The following FBXL20 variants were observed in gnomAD, a reference collection of about 807,000 sequenced individuals.
FBXL20 encodes the protein F-box and leucine rich repeat protein 20.
FBXL20 carries 11 observed loss-of-function variants against 64.0 expected under a neutral mutation model. The ratio of observed to expected loss-of-function variants is 0.17; its 90% CI spans 0.11 to 0.28. The LOEUF is 0.28. FBXL20 is among the 10% of genes least tolerant of loss of function. The probability of loss-of-function intolerance (pLI) is 1.00; values close to 1 mark genes in which losing one functional copy is unlikely to be tolerated. For missense variants in FBXL20, 303 were observed against 526.2 expected (o/e 0.58, Z 4.15); for synonymous variants, 184 against 189.0 (o/e 0.97, Z 0.22).
chr17:39,375,203 C>A (rs72825152), intron 1 of FBXL20, among the ~76,000 whole-genome samples: 1 of 152,026 alleles, frequency 6.6e-6, no homozygotes, highest in Non-Finnish European at 1.5e-5. Context: ...GAAGACATGG[C>A]CCAAGTAGTT....
At chr17:39,307,654 CTG>C (rs570618190) in intron 2 of FBXL20, among the ~76,000 whole-genome samples, 204 of 152,158 alleles carry the variant, frequency 1.3e-3, no homozygotes, top group African/African-American at 4.7e-3. Flanking sequence ...GAACAAACTT[CTG>C]TTAGTCAAGG....
intron 4 of FBXL20, 131 bp downstream of exon 4, chr17:39,300,870 G>C (rs1292825751): frequency 1.2e-6 from 1 of 806,130 alleles, no homozygotes; most frequent in Admixed American, 3.2e-5. Flanking sequence ...GGGGGTTCCT[G>C]TAAAGTTCAG....
intron 6 of FBXL20, among the ~76,000 whole-genome samples, chr17:39,292,918 A>G (rs583980): frequency 0.38 from 57,897 of 151,122 alleles, 14,260 homozygotes; most frequent in African/African-American, 0.7. Flanking sequence ...TCAGCCTCCT[A>G]AGTAGCTGCG....
In FBXL20 at chr17:39,285,503, T is replaced by C. The variant is rs2046981150; in HGVS notation, c.469A>G (p.Thr157Ala). The part of the protein sequence containing the change: ...HLDLASCTSI[T>A]NMSLKALSEG... ...CTCAGAGCTTTTAGAGACATGTTTGTTATTGATGTACAGGAAGCCAAGTCA... is the reference window on the plus strand; with the variant it reads ...CTCAGAGCTTTTAGAGACATGTTTGCTATTGATGTACAGGAAGCCAAGTCA... Residue 157 changes from threonine to alanine, a missense_variant, in exon 7 of 15, where the codon ACA becomes GCA. Around this residue, in one of 3 missense-constraint regions of FBXL20, gnomAD observed 246 missense variants for 422.6 expected, o/e 0.58. Transcript: ENST00000264658. 6.2e-7 allele frequency: 1 copy of C among 1,603,322 alleles called. No homozygotes were observed. The highest frequency in any genetic ancestry group is 1.7e-5 in the Admixed American group (1 of 59,294).
chr17:39,339,885 A>C (rs1338732716), intron 2 of FBXL20, among the ~76,000 whole-genome samples: 2 of 151,422 alleles, frequency 1.3e-5, no homozygotes, highest in Non-Finnish European at 2.9e-5. Flanking sequence ...TGACCTCGTG[A>C]TCCGCCCGTC....
At chr17:39,343,482 G>GT (rs2047602152) in intron 1 of FBXL20, among the ~76,000 whole-genome samples, 3 of 152,128 alleles carry the variant, frequency 2.0e-5, no homozygotes, top group Non-Finnish European at 4.4e-5. Flanking sequence ...GCCAGATACT[G>GT]TTTCAGATGT....
chr17:39,370,995 G>A (rs2047913167), intron 1 of FBXL20, among the ~76,000 whole-genome samples: 1 of 151,948 alleles, frequency 6.6e-6, no homozygotes, highest in Non-Finnish European at 1.5e-5. Context: ...GAGGCGGGTG[G>A]ATCACCTGAG....
At chr17:39,363,827 C>CAAAAAAAAAAAAAAAAA (rs1555612706) in intron 1 of FBXL20, among the ~76,000 whole-genome samples, 1 of 78,026 alleles carries the variant, frequency 1.3e-5, no homozygotes, top group Non-Finnish European at 2.4e-5. Context: ...AAAAAAAAAA[C>CAAAAAAAAAAAAAAAAA]AAAAAACAAA....
At chr17:39,386,016 T>C (rs575855682) in intron 1 of FBXL20, among the ~76,000 whole-genome samples, 9 of 107,062 alleles carry the variant, frequency 8.4e-5, no homozygotes, top group African/African-American at 3.0e-4. Flanking sequence ...ACAACAGAGA[T>C]TCCGTCTCAA....
chr17:39,343,384 C>G (rs1478024370), intron 1 of FBXL20, 143 bp from the exon 2 acceptor site: 1 of 536,828 alleles, frequency 1.9e-6, no homozygotes, highest in Non-Finnish European at 3.3e-6. Context: ...ATTTTGGAAA[C>G]TCTTTAAGAT....
intron 1 of FBXL20, among the ~76,000 whole-genome samples, chr17:39,358,777 A>C (rs150359522): frequency 3.3e-5 from 5 of 152,202 alleles, no homozygotes; most frequent in Non-Finnish European, 5.9e-5. Flanking sequence ...CAACCTACAC[A>C]TTAGGAGAAA....
intron 2 of FBXL20, among the ~76,000 whole-genome samples, chr17:39,307,449 T>A (rs981205686): frequency 6.6e-6 from 1 of 152,158 alleles, no homozygotes; most frequent in Admixed American, 6.6e-5. Flanking sequence ...AGTGGGTGTA[T>A]GACAAACGAA....
chr17:39,288,221 C>T (rs1403246577), intron 6 of FBXL20, among the ~76,000 whole-genome samples: 1 of 152,112 alleles, frequency 6.6e-6, no homozygotes, highest in African/African-American at 2.4e-5. Flanking sequence ...CCCACCTTGG[C>T]CTCCCAAAGT....
chr17:39,271,109 G>A (rs1258806226), intron 10 of FBXL20, among the ~76,000 whole-genome samples: 2 of 152,140 alleles, frequency 1.3e-5, no homozygotes, highest in Admixed American at 1.3e-4. Flanking sequence ...TATAATTGAA[G>A]CTTGTAGTTA....
chr17:39,264,075 A>T, intron 14 of FBXL20, 100 bp downstream of exon 14: 1 of 1,266,574 alleles, frequency 7.9e-7, no homozygotes, highest in Admixed American at 2.2e-5. Context: ...GTTCAAGTAA[A>T]TATAAAAATC....
At chr17:39,331,181 G>A (rs1369486042) in intron 2 of FBXL20, among the ~76,000 whole-genome samples, 1 of 152,068 alleles carries the variant, frequency 6.6e-6, no homozygotes, top group Non-Finnish European at 1.5e-5. Context: ...TTTTTTTACA[G>A]CCTCCACCTC....
chr17:39,333,851 G>T (rs1325514599), intron 2 of FBXL20, among the ~76,000 whole-genome samples: 3 of 152,042 alleles, frequency 2.0e-5, no homozygotes, highest in South Asian at 4.2e-4. Context: ...CGTCTGGGAG[G>T]TGAGGAGCGT....
chr17:39,307,680 A>T (rs193152700), intron 2 of FBXL20, among the ~76,000 whole-genome samples: 137 of 151,894 alleles, frequency 9.0e-4, no homozygotes, highest in African/African-American at 3.1e-3. Context: ...AGAATATGTT[A>T]AAAAAAAGAC....
intron 12 of FBXL20, among the ~76,000 whole-genome samples, 200 bp downstream of exon 12, chr17:39,268,627 T>C (rs111736595): frequency 3.3e-5 from 5 of 152,276 alleles, no homozygotes; most frequent in Admixed American, 6.5e-5. Flanking sequence ...GGCAACCTGA[T>C]TGATGGCATA....
Sources: gnomAD v4.1 joint callset for allele counts (sites outside exome capture counted in the v4.1 genomes callset) on GRCh38, gnomAD v4.1.1 for gene constraint, gnomAD v4.1.1 regional missense constraint, MANE v1.5 for transcripts, NCBI Gene and HGNC (gene_info 2026-07-23, HGNC 2026-07-21) for gene names.